LHFPL6: variants seen among roughly 807,000 people sequenced by gnomAD.
The protein encoded by LHFPL6 is LHFPL tetraspan subfamily member 6 protein.
A neutral mutation model predicts 20.6 loss-of-function variants in LHFPL6; 9 were observed. That is an observed-to-expected ratio of 0.44 (90% CI 0.26 to 0.76). The LOEUF (loss-of-function observed/expected upper bound fraction) is 0.76. Among genes scored for constraint, LHFPL6 ranks in the 30% least tolerant of loss-of-function variants. LHFPL6 has a pLI of 0.20. For missense variants in LHFPL6, 218 were observed against 253.5 expected (o/e 0.86, Z 0.95); for synonymous variants, 105 against 98.7 (o/e 1.06, Z -0.38).
chr13:39,542,686 T>G (rs10047779), intron 2 of LHFPL6, among the ~76,000 whole-genome samples: 1 of 151,912 alleles, frequency 6.6e-6, no homozygotes, highest in Non-Finnish European at 1.5e-5. Context: ...TCCCCAATTC[T>G]CTGCAACCCC....
chr13:39,409,082 C>G (rs369593157), intron 2 of LHFPL6, among the ~76,000 whole-genome samples: 1 of 152,138 alleles, frequency 6.6e-6, no homozygotes, highest in Admixed American at 6.5e-5. Context: ...TAAATCTATG[C>G]GCCAAATGCC....
intron 2 of LHFPL6, among the ~76,000 whole-genome samples, chr13:39,522,870 T>C (rs1233913322): frequency 6.6e-6 from 1 of 152,210 alleles, no homozygotes; most frequent in East Asian, 1.9e-4. Context: ...ATGGACAGTG[T>C]AGAAATATGA....
At chr13:39,396,459 G>C (rs1870844239) in intron 2 of LHFPL6, among the ~76,000 whole-genome samples, 2 of 152,066 alleles carry the variant, frequency 1.3e-5, no homozygotes, top group African/African-American at 4.8e-5. Context: ...GATCATACTG[G>C]AGTAGGGTAG....
chr13:39,498,486 T>C (rs1013461297), intron 2 of LHFPL6, among the ~76,000 whole-genome samples: 1 of 152,216 alleles, frequency 6.6e-6, no homozygotes, highest in Non-Finnish European at 1.5e-5. Context: ...AAAGGCATAT[T>C]GGCCCCTTTT....
At position 39,349,779 on chromosome 13, in the gene LHFPL6, T is replaced by C. The variant is rs1453619427; in HGVS notation, c.485-5725A>G. Reference sequence around the variant, plus strand: ...GCCAAGACCTGCAGATGTTCAGGAGTGAGCCAAGCGTGAATGTGGGGGGCC... The same window carrying C: ...GCCAAGACCTGCAGATGTTCAGGAGCGAGCCAAGCGTGAATGTGGGGGGCC... On this transcript the variant is annotated intron_variant, in intron 3 of 3. Coordinates refer to ENST00000379589, the MANE Select transcript of LHFPL6 (RefSeq NM_005780.3). Among the ~76,000 whole-genome samples, 6 of 152,118 alleles carry C rather than the reference T, an allele frequency of 3.9e-5. No homozygotes were observed. The East Asian group carries it at 1.2e-3, about 29-fold the overall frequency.
chr13:39,362,962 C>T (rs896127798), intron 3 of LHFPL6, among the ~76,000 whole-genome samples: 3 of 152,184 alleles, frequency 2.0e-5, no homozygotes, highest in East Asian at 1.9e-4. Flanking sequence ...GGAAACACAT[C>T]GGGGCACAGA....
chr13:39,528,923 G>A (rs573131048), intron 2 of LHFPL6, among the ~76,000 whole-genome samples: 1 of 152,058 alleles, frequency 6.6e-6, no homozygotes, highest in African/African-American at 2.4e-5. Flanking sequence ...CTTGATTTTC[G>A]AAGAATTACT....
intron 2 of LHFPL6, among the ~76,000 whole-genome samples, chr13:39,539,258 A>T (rs1264888320): frequency 6.6e-6 from 1 of 152,168 alleles, no homozygotes; most frequent in African/African-American, 2.4e-5. Flanking sequence ...TTATCTGCCA[A>T]GTGTTTTCTT....
chr13:39,550,719 A>G (rs139789813), intron 2 of LHFPL6, among the ~76,000 whole-genome samples: 51 of 152,264 alleles, frequency 3.3e-4, no homozygotes, highest in African/African-American at 8.2e-4. Flanking sequence ...TTTTGGCTTT[A>G]TGAATAAGAG....
At chr13:39,528,361 TAGAA>T (rs1870358393) in intron 2 of LHFPL6, among the ~76,000 whole-genome samples, 1 of 152,120 alleles carries the variant, frequency 6.6e-6, no homozygotes, top group African/African-American at 2.4e-5. Context: ...CAAGCCAACT[TAGAA>T]AGAGAAATTA....
chr13:39,361,985 G>C (rs752492004), intron 3 of LHFPL6, among the ~76,000 whole-genome samples: 1 of 152,164 alleles, frequency 6.6e-6, no homozygotes, highest in Non-Finnish European at 1.5e-5. Flanking sequence ...AGGGAATCCA[G>C]GTGAAAGGAA....
intron 2 of LHFPL6, among the ~76,000 whole-genome samples, chr13:39,436,007 G>T (rs1308793282): frequency 2.0e-5 from 3 of 151,332 alleles, no homozygotes; most frequent in Non-Finnish European, 4.4e-5. Context: ...CATGTATTAG[G>T]TTTAATATTA....
intron 2 of LHFPL6, among the ~76,000 whole-genome samples, chr13:39,412,816 G>A (rs572375894): frequency 7.2e-5 from 11 of 152,090 alleles, no homozygotes; most frequent in Middle Eastern, 3.4e-3. Flanking sequence ...CCAGCTACTC[G>A]GGAGGCTGAG....
intron 2 of LHFPL6, among the ~76,000 whole-genome samples, chr13:39,413,579 C>T (rs1479585717): frequency 2.8e-5 from 2 of 71,944 alleles, no homozygotes; most frequent in African/African-American, 1.0e-4. Flanking sequence ...TCATCACAAC[C>T]GACTAGTTTT....
At chr13:39,402,246 T>G (rs1371887161) in intron 2 of LHFPL6, among the ~76,000 whole-genome samples, 1 of 152,184 alleles carries the variant, frequency 6.6e-6, no homozygotes, top group Non-Finnish European at 1.5e-5. Flanking sequence ...ATTTTTTGAG[T>G]TGGGGTCTTG....
At chr13:39,482,424 T>C (rs1868557882) in intron 2 of LHFPL6, among the ~76,000 whole-genome samples, 1 of 141,746 alleles carries the variant, frequency 7.1e-6, no homozygotes. Context: ...GCCTGGGCTA[T>C]AGAGCAAGAC....
rs34041103 is a variant in LHFPL6 at position 39,483,483 on chromosome 13, A to ATTT, written c.386-104960_386-104958dup. Among the ~76,000 whole-genome samples the ATTT allele has an allele frequency of 4.6e-3, 638 of 137,850 alleles. 4 individuals carry two copies. Among genetic ancestry groups the ATTT allele is most frequent in the African/African-American group, 0.015 (563 of 37,414 alleles). 90.4% of individuals were successfully genotyped at this position (137,850 alleles called of 152,430 possible). A position where few individuals can be genotyped will look rare whatever the true frequency, so the allele number is the denominator to read the frequency against. On this transcript the variant is annotated intron_variant, in intron 2 of 3. Transcript: ENST00000379589. Reference sequence around the variant, plus strand: ...CCAAACTCCTGTCTTCCTCATTACAATTTTTTTTTTTTTTTTTTTTACAAA... The same window carrying ATTT: ...CCAAACTCCTGTCTTCCTCATTACAATTTTTTTTTTTTTTTTTTTTTTTACAAA...
At chr13:39,359,782 A>G (rs1426593426) in intron 3 of LHFPL6, among the ~76,000 whole-genome samples, 3 of 151,220 alleles carry the variant, frequency 2.0e-5, no homozygotes, top group Non-Finnish European at 2.9e-5. Context: ...TAAAATAAAC[A>G]TTGAAAAAGA....
chr13:39,476,967 T>C (rs1026180696), intron 2 of LHFPL6, among the ~76,000 whole-genome samples: 1 of 152,224 alleles, frequency 6.6e-6, no homozygotes, highest in African/African-American at 2.4e-5. Flanking sequence ...TTTGATCAGC[T>C]GTTGACAATA....
Sources: gnomAD v4.1 joint callset for allele counts (sites outside exome capture counted in the v4.1 genomes callset) on GRCh38, gnomAD v4.1.1 for gene constraint, MANE v1.5 for transcripts, NCBI Gene and HGNC (gene_info 2026-07-23, HGNC 2026-07-21) for gene names.